SPP1: variants seen among roughly 807,000 people sequenced by gnomAD.
SPP1 encodes osteopontin.
Under a neutral mutation model 20.8 loss-of-function variants are expected in SPP1, and 18 were observed. The ratio of observed to expected loss-of-function variants is 0.87; its 90% CI spans 0.60 to 1.29. SPP1 has a LOEUF of 1.29. SPP1 is among the 50% of genes most tolerant of loss of function. The pLI is 0.00. For synonymous variants in SPP1, 146 were observed against 141.5 expected, an observed-to-expected ratio of 1.03 and a Z score of -0.23; for missense variants, 363 against 389.0, an observed-to-expected ratio of 0.93 and a Z score of 0.56.
rs747523005 is a variant in SPP1 at position 87,981,700 on chromosome 4, C to T, written c.442C>T (p.Pro148Ser). The change falls in exon 6 of 7, where the codon CCA becomes TCA. Residue 148 changes from proline to serine, a missense_variant. Physicochemically the swap from Pro to Ser is moderately conservative, Grantham distance 74. Coordinates refer to ENST00000395080, the MANE Select transcript of SPP1 (RefSeq NM_001040058.2). The part of the protein sequence containing the change: ...TDLPATEVFT[P>S]VVPTVDTYDG... ...CCTGCCAGCAACCGAAGTTTTCACTCCAGTTGTCCCCACAGTAGACACATA... is the reference window on the plus strand; with the variant it reads ...CCTGCCAGCAACCGAAGTTTTCACTTCAGTTGTCCCCACAGTAGACACATA... 6.2e-7 allele frequency: 1 copy of T among 1,614,174 alleles called. No homozygotes were observed. Among genetic ancestry groups the T allele is most frequent in the Non-Finnish European group, 8.5e-7 (1 of 1,180,020 alleles).
intron 3 of SPP1, among the ~76,000 whole-genome samples, chr4:87,978,388 C>CTTTTTTTTTTT (rs1159455110): frequency 1.1e-5 from 1 of 89,680 alleles, no homozygotes; most frequent in Non-Finnish European, 2.0e-5. Context: ...TTTCCGCCTT[C>CTTTTTTTTTTT]TTTTTTTTTT....
Position 87,981,664 on chromosome 4 carries a change from T to A in SPP1, c.406T>A (p.Phe136Ile), listed in dbSNP as rs2110069983. The change falls in exon 6 of 7, where the codon TTT (phenylalanine) becomes ATT (isoleucine). Residue 136 changes from phenylalanine to isoleucine, a missense_variant. Coordinates refer to ENST00000395080, the MANE Select transcript of SPP1 (RefSeq NM_001040058.2). ...TGAATCTGATGAACTGGTCACTGAT[T>A]TTCCCACGGACCTGCCAGCAACCGA... ...SDESDELVTD[F>I]PTDLPATEVF... The A allele has an allele frequency of 1.1e-5, 18 of 1,614,194 alleles. No individual in the cohort carries two copies. Among genetic ancestry groups the A allele is most frequent in the Non-Finnish European group, 1.5e-5 (18 of 1,180,026 alleles).
At chr4:87,979,736 C>T (rs910534821) in intron 3 of SPP1, among the ~76,000 whole-genome samples, 1 of 152,114 alleles carries the variant, frequency 6.6e-6, no homozygotes, top group Admixed American at 6.5e-5. Context: ...CCATTTCCTA[C>T]CACTTAACTG....
At chr4:87,981,267 G>T (rs1725627121) in intron 5 of SPP1, among the ~76,000 whole-genome samples, 1 of 152,144 alleles carries the variant, frequency 6.6e-6, no homozygotes, top group Non-Finnish European at 1.5e-5. Context: ...TGCAAAGTAA[G>T]AAATGTTCTT....
chr4:87,977,037 C>T, intron 2 of SPP1, 22 bp from the exon 3 acceptor site: 8 of 1,613,946 alleles, frequency 5.0e-6, no homozygotes, highest in Non-Finnish European at 6.8e-6. Context: ...TGTAATCTTT[C>T]TTCATCTTTT....
intron 3 of SPP1, chr4:87,977,790 C>CA (rs989185204): frequency 4.7e-6 from 6 of 1,284,026 alleles, no homozygotes; most frequent in Middle Eastern, 2.1e-4. Context: ...GAATAAAGGC[C>CA]AAAATAGAGC....
rs546310908 is a variant in SPP1 at position 87,976,282 on chromosome 4, C to T, written c.-15+482C>T. 9.2e-5 allele frequency among the ~76,000 whole-genome samples: 14 copies of T among 152,300 alleles called. No individual in the cohort carries two copies. In the South Asian group the frequency reaches 2.9e-3, roughly 32 times the overall value. Reference sequence around the variant, plus strand: ...TATTCACCAAGATACCTGTATGACACTGTGTAGGCTTATTATTACAAATAG... The same window carrying T: ...TATTCACCAAGATACCTGTATGACATTGTGTAGGCTTATTATTACAAATAG... On this transcript the variant is annotated intron_variant, in intron 1 of 6. Coordinates refer to ENST00000395080, the MANE Select transcript of SPP1 (RefSeq NM_001040058.2).
rs150169219 is a variant in SPP1 at position 87,981,576 on chromosome 4, C to T, written c.318C>T (p.Asn106=). 74 of 1,614,086 alleles carry T rather than the reference C, an allele frequency of 4.6e-5. No individual in the cohort carries two copies. Among genetic ancestry groups the T allele is most frequent in the African/African-American group, 1.2e-4 (9 of 75,008 alleles). ...HVDSQDSIDS[N]DSDDVDDTDD... Reference sequence around the variant, plus strand: ...ACAGCCAGGACTCCATTGACTCGAACGACTCTGATGATGTAGATGACACTG... The same window carrying T: ...ACAGCCAGGACTCCATTGACTCGAATGACTCTGATGATGTAGATGACACTG... Residue 106 remains asparagine (N), a synonymous_variant, in exon 6 of 7, where the codon AAC becomes AAT. Coordinates refer to ENST00000395080, the MANE Select transcript of SPP1 (RefSeq NM_001040058.2).
intron 1 of SPP1, 62 bp from the exon 2 acceptor site, chr4:87,976,819 TA>T (rs1725395643): frequency 8.8e-7 from 1 of 1,137,414 alleles, no homozygotes; most frequent in Non-Finnish European, 1.3e-6. Context: ...TGTGGTAGTA[TA>T]AAAAGGTATC....
chr4:87,979,256 C>A (rs1725544491), intron 3 of SPP1, among the ~76,000 whole-genome samples: 1 of 150,102 alleles, frequency 6.7e-6, no homozygotes, highest in Non-Finnish European at 1.5e-5. Flanking sequence ...GCTCTGCCTC[C>A]TGGGTTCACG....
In SPP1 at chr4:87,980,123, A is replaced by G; in HGVS notation, c.171A>G (p.Pro57=). 1 of 1,614,148 alleles carries G rather than the reference A, an allele frequency of 6.2e-7. No homozygotes were observed. The highest frequency in any genetic ancestry group is 8.5e-7 in the Non-Finnish European group (1 of 1,180,016). Residue 57 remains proline, a synonymous_variant, in exon 4 of 7, where the codon CCA becomes CCG. Coordinates refer to ENST00000395080, the MANE Select transcript of SPP1 (RefSeq NM_001040058.2). ...DPSQKQNLLA[P]QNAVSSEETN... ...CTCAGAAGCAGAATCTCCTAGCCCC[A>G]CAGGTATTTTTAAACTTCTCATAAT...
Position 87,982,866 on chromosome 4 carries a change from A to G in SPP1, c.915A>G (p.Glu305=). Reference sequence around the variant, plus strand: ...ACCTGAAATTTCGTATTTCTCATGAATTAGATAGTGCATCTTCTGAGGTCA... The same window carrying G: ...ACCTGAAATTTCGTATTTCTCATGAGTTAGATAGTGCATCTTCTGAGGTCA... ...DKHLKFRISH[E]LDSASSEVN Residue 305 remains glutamate, a synonymous_variant, in exon 7 of 7, where the codon GAA becomes GAG. Coordinates refer to ENST00000395080, the MANE Select transcript of SPP1 (RefSeq NM_001040058.2). The G allele has an allele frequency of 6.2e-7, 1 of 1,613,816 alleles. No individual in the cohort carries two copies. The highest frequency in any genetic ancestry group is 8.5e-7 in the Non-Finnish European group (1 of 1,179,768).
intron 3 of SPP1, chr4:87,977,824 G>T (rs2853751): frequency 1.6e-6 from 2 of 1,276,378 alleles, no homozygotes; most frequent in Non-Finnish European, 1.0e-6. Context: ...ACTGCAATTA[G>T]ACTGCTTAAT....
chr4:87,977,021 C>T (rs1725406275), intron 2 of SPP1, 38 bp from the exon 3 acceptor site: 2 of 1,613,334 alleles, frequency 1.2e-6, no homozygotes, highest in South Asian at 2.2e-5. Flanking sequence ...GCTAGGAGGA[C>T]ATTCTTGTAA....
At chr4:87,976,851 T>C (rs750794856) in intron 1 of SPP1, 31 bp from the exon 2 acceptor site, 29 of 1,534,580 alleles carry the variant, frequency 1.9e-5, no homozygotes, top group African/African-American at 2.7e-5. Flanking sequence ...CCTATGAAGA[T>C]GTCAGCTATT....
At chr4:87,978,596 A>G (rs1024124581) in intron 3 of SPP1, among the ~76,000 whole-genome samples, 60 of 151,820 alleles carry the variant, frequency 4.0e-4, no homozygotes, top group African/African-American at 5.8e-4. Context: ...GTTAGCCAGG[A>G]TGGTCTCCAT....
In SPP1 at chr4:87,983,299, G is replaced by C. The variant is rs969343028; in HGVS notation, c.*403G>C. 1 of 156,578 alleles carries C rather than the reference G, an allele frequency of 6.4e-6. No homozygotes were observed. Among genetic ancestry groups the C allele is most frequent in the East Asian group, 1.9e-4 (1 of 5,308 alleles). The allele number at this position is 156,578 out of a possible 1,614,324, so 9.7% of individuals were successfully genotyped here. On this transcript the variant is annotated 3_prime_UTR_variant, in exon 7 of 7. Coordinates refer to ENST00000395080, the MANE Select transcript of SPP1 (RefSeq NM_001040058.2). ...ATTTTGTTGTGATTATCTTTTTGTG[G>C]TGTGAATAAATCTTTTATCTTGAAT... is the stretch of plus-strand genomic sequence containing the variant.
intron 5 of SPP1, 179 bp downstream of exon 5, chr4:87,980,613 AT>A (rs1478048897): frequency 1.5e-6 from 1 of 647,188 alleles, no homozygotes; most frequent in African/African-American, 1.8e-5. Context: ...GTTTCCTCGG[AT>A]AAGTTTAGCA....
intron 1 of SPP1, among the ~76,000 whole-genome samples, chr4:87,976,190 T>C (rs1000274104): frequency 6.6e-6 from 1 of 152,236 alleles, no homozygotes; most frequent in African/African-American, 2.4e-5. Flanking sequence ...TTTTAAATGA[T>C]GTATCTCACT....
Sources: gnomAD v4.1 joint callset for allele counts (sites outside exome capture counted in the v4.1 genomes callset) on GRCh38, gnomAD v4.1.1 for gene constraint, MANE v1.5 for transcripts, NCBI Gene and HGNC (gene_info 2026-07-23, HGNC 2026-07-21) for gene names.